Variants in HPSE observed in about 807,000 individuals in gnomAD.
HPSE encodes heparanase.
A neutral mutation model predicts 65.1 loss-of-function variants in HPSE; 48 were observed. That is an observed-to-expected ratio of 0.74 (90% confidence interval 0.58 to 0.94). The LOEUF (loss-of-function observed/expected upper bound fraction) is 0.94. Ranked by LOEUF, HPSE falls within the 40% of genes least tolerant of loss-of-function variation. The pLI, the probability that HPSE is intolerant of heterozygous loss-of-function variation, is 0.00. For missense variants in HPSE, 644 were observed against 637.5 expected, an observed-to-expected ratio of 1.01 and a Z score of -0.11; for synonymous variants, 243 against 260.0, an observed-to-expected ratio of 0.93 and a Z score of 0.63.
intron 3 of HPSE, among the ~76,000 whole-genome samples, chr4:83,315,851 C>A (rs1341248966): frequency 6.6e-6 from 1 of 152,166 alleles, no homozygotes; most frequent in Non-Finnish European, 1.5e-5. Flanking sequence ...TTTCAAAAAA[C>A]CTGGAATGCT....
intron 8 of HPSE, among the ~76,000 whole-genome samples, chr4:83,308,460 C>A (rs1736234702): frequency 6.6e-6 from 1 of 152,188 alleles, no homozygotes; most frequent in Admixed American, 6.5e-5. Context: ...TAACTCACTG[C>A]AGCCTCAAAC....
At chr4:83,299,766 C>A (rs1430454362) in intron 11 of HPSE, among the ~76,000 whole-genome samples, 2 of 151,910 alleles carry the variant, frequency 1.3e-5, no homozygotes, top group African/African-American at 4.8e-5. Context: ...GACAGAGGCA[C>A]CATCACAGCT....
At chr4:83,315,632 C>T (rs1260569080) in intron 3 of HPSE, among the ~76,000 whole-genome samples, 2 of 152,090 alleles carry the variant, frequency 1.3e-5, no homozygotes, top group Non-Finnish European at 2.9e-5. Flanking sequence ...CACAACTCTC[C>T]CACTTATAGA....
At chr4:83,322,934 G>A (rs1736982297) in intron 1 of HPSE, among the ~76,000 whole-genome samples, 1 of 151,760 alleles carries the variant, frequency 6.6e-6, no homozygotes, top group Non-Finnish European at 1.5e-5. Flanking sequence ...CCAAAATGCT[G>A]AGATTACAGG....
chr4:83,324,619 C>T (rs192151694), intron 1 of HPSE, among the ~76,000 whole-genome samples: 1 of 152,186 alleles, frequency 6.6e-6, no homozygotes, highest in Admixed American at 6.5e-5. Context: ...ACCTGACAGC[C>T]CCAAAGAGCT....
chr4:83,306,342 T>A, intron 8 of HPSE, 25 bp from the exon 9 acceptor site: 1 of 1,348,332 alleles, frequency 7.4e-7, no homozygotes, highest in Non-Finnish European at 1.1e-6. Flanking sequence ...GACCAAGCTT[T>A]CTTGAGGTTT....
chr4:83,308,874 C>T lies in HPSE; in HGVS notation c.1062G>A (p.Leu354=). ...TSSAYGGGAP[L]LSDTFAAGFM... ...AGCCAGCTGCAAAGGTGTCGGATAG[C>T]AAGGGCGCTCCGCCTCCATATGCAG... Residue 354 remains leucine, a synonymous_variant, in exon 8 of 12, where the codon TTG becomes TTA. Transcript: ENST00000311412. 1 of 1,614,078 alleles carries T rather than the reference C, an allele frequency of 6.2e-7. No individual in the cohort carries two copies. The highest frequency in any genetic ancestry group is 8.5e-7 in the Non-Finnish European group (1 of 1,179,980).
Position 83,319,408 on chromosome 4 carries a change from G to A in HPSE, c.435C>T (p.Pro145=). The A allele has an allele frequency of 6.2e-7, 1 of 1,613,812 alleles. No individual in the cohort carries two copies. The highest frequency in any genetic ancestry group is 8.5e-7 in the Non-Finnish European group (1 of 1,179,800). Residue 145 remains proline (P), a synonymous_variant, in exon 3 of 12, where the codon CCC becomes CCT. Transcript: ENST00000311412. ...DVEEKLRLEW[P]YQEQLLLREH... The stretch of plus-strand genomic sequence containing the variant: ...CTCGGAGTAGCAATTGCTCCTGGTA[G>A]GGCCATTCCAACCGTAACTTCTCCT...
At chr4:83,313,351 C>G (rs1173824546) in intron 3 of HPSE, 64 bp from the exon 4 acceptor site, 9 of 1,026,478 alleles carry the variant, frequency 8.8e-6, no homozygotes, top group Non-Finnish European at 1.3e-5. Flanking sequence ...TCCAGATTCG[C>G]TTTTCATAAT....
At chr4:83,310,267 CGTCAAAATTTCCTTTTTTTG>C (rs1244746488) in intron 5 of HPSE, among the ~76,000 whole-genome samples, 189 bp from the exon 6 acceptor site, 1 of 152,086 alleles carries the variant, frequency 6.6e-6, no homozygotes, top group Non-Finnish European at 1.5e-5. Flanking sequence ...ATTCTGAACC[CGTCAAAATTTCCTTTTTTTG>C]GTAAATCATG....
At chr4:83,308,063 T>C (rs1031533435) in intron 8 of HPSE, among the ~76,000 whole-genome samples, 8 of 151,674 alleles carry the variant, frequency 5.3e-5, no homozygotes, top group Non-Finnish European at 1.2e-4. Context: ...AGTATCCTCC[T>C]GAGAGACAAA....
At chr4:83,316,187 C>T (rs1268961259) in intron 3 of HPSE, among the ~76,000 whole-genome samples, 2 of 151,886 alleles carry the variant, frequency 1.3e-5, no homozygotes, top group South Asian at 2.1e-4. Context: ...CCACCAAGCC[C>T]GGCTAGTTTT....
At chr4:83,320,034 A>G (rs2126193705) in intron 2 of HPSE, among the ~76,000 whole-genome samples, 1 of 151,220 alleles carries the variant, frequency 6.6e-6, no homozygotes, top group African/African-American at 2.4e-5. Context: ...TGTCTAAAAA[A>G]AAAAAAAAAA....
chr4:83,328,046 C>A (rs777275440), intron 1 of HPSE, among the ~76,000 whole-genome samples: 3 of 152,198 alleles, frequency 2.0e-5, no homozygotes, highest in Non-Finnish European at 2.9e-5. Flanking sequence ...CACCCCCCAA[C>A]AAGAAAGGCG....
At chr4:83,318,889 G>A (rs1267099849) in intron 3 of HPSE, among the ~76,000 whole-genome samples, 1 of 152,068 alleles carries the variant, frequency 6.6e-6, no homozygotes, top group Non-Finnish European at 1.5e-5. Flanking sequence ...AATGCTGCTT[G>A]GTGGCCAAGA....
intron 7 of HPSE, 120 bp from the exon 8 acceptor site, chr4:83,309,071 G>C: frequency 1.4e-6 from 1 of 696,610 alleles, no homozygotes; most frequent in Non-Finnish European, 2.5e-6. Flanking sequence ...CTCCTATATA[G>C]TTATAAAATA....
intron 5 of HPSE, 147 bp downstream of exon 5, chr4:83,310,575 G>T: frequency 4.1e-6 from 3 of 723,656 alleles, no homozygotes; most frequent in Non-Finnish European, 6.9e-6. Context: ...GTGGGACTGA[G>T]ATGGGAGGAT....
At position 83,312,168 on chromosome 4, in the gene HPSE, T is replaced by C. The variant is rs569151521; in HGVS notation, c.673+946A>G. On this transcript the variant is annotated intron_variant, in intron 4 of 11. Transcript: ENST00000311412. Reference sequence around the variant, plus strand: ...GCTGAGTCCAGCTTGCCAAGCATAATAGGGTTAAGTGATTCTGAAAATCTC... The same window carrying C: ...GCTGAGTCCAGCTTGCCAAGCATAACAGGGTTAAGTGATTCTGAAAATCTC... Among the ~76,000 whole-genome samples the C allele has an allele frequency of 3.9e-5, 6 of 152,240 alleles. No homozygotes were observed. The South Asian group carries it at 1.2e-3, about 32-fold the overall frequency.
At position 83,319,399 on chromosome 4, in the gene HPSE, C is replaced by G. The variant is rs1237880311; in HGVS notation, c.444G>C (p.Glu148Asp). The change falls in exon 3 of 12, where the codon GAG becomes GAC. Residue 148 changes from glutamate to aspartate, a missense_variant. Coordinates refer to ENST00000311412, the MANE Select transcript of HPSE (RefSeq NM_001098540.3). Reference protein sequence around the residue: ...EKLRLEWPYQEQLLLREHYQK... With the variant: ...EKLRLEWPYQDQLLLREHYQK... ...GGTAGTGTTCTCGGAGTAGCAATTG[C>G]TCCTGGTAGGGCCATTCCAACCGTA... is the stretch of plus-strand genomic sequence containing the variant. The G allele has an allele frequency of 6.2e-7, 1 of 1,613,844 alleles. No individual in the cohort carries two copies. Among genetic ancestry groups the G allele is most frequent in the African/African-American group, 1.3e-5 (1 of 74,902 alleles).
Sources: allele counts gnomAD v4.1 joint callset (sites outside exome capture counted in the v4.1 genomes callset), GRCh38; gene constraint gnomAD v4.1.1; transcripts MANE v1.5; gene names NCBI Gene and HGNC (gene_info 2026-07-23, HGNC 2026-07-21).